USP45: variants seen among roughly 807,000 people sequenced by gnomAD.
USP45 encodes the protein ubiquitin specific peptidase 45.
A neutral mutation model predicts 95.8 loss-of-function variants in USP45; 89 were observed. The observed-to-expected ratio is 0.93, with a 90% confidence interval of 0.78 to 1.11. The LOEUF (loss-of-function observed/expected upper bound fraction) is 1.11, where lower values mean the gene tolerates loss of function less well. Ranked by LOEUF, USP45 falls within the 50% of genes least tolerant of loss-of-function variation. The pLI is 0.00. For synonymous variants in USP45, 281 were observed against 316.2 expected, an observed-to-expected ratio of 0.89 and a Z score of 1.18; for missense variants, 898 against 942.5, an observed-to-expected ratio of 0.95 and a Z score of 0.62.
chr6:99,517,823 G>T (rs1364383828), upstream of USP45, among the ~76,000 whole-genome samples: 1 of 151,408 alleles, frequency 6.6e-6, no homozygotes, highest in East Asian at 1.9e-4. Flanking sequence ...AGTAATACCT[G>T]CTGGTTTCTC....
At chr6:99,454,517 T>C (rs1362011925) in intron 13 of USP45, among the ~76,000 whole-genome samples, 1 of 152,142 alleles carries the variant, frequency 6.6e-6, no homozygotes, top group African/African-American at 2.4e-5. Flanking sequence ...TCCTGTTGAA[T>C]GGGAGAAAAT....
chr6:99,490,166 A>T (rs1321952035), intron 5 of USP45, among the ~76,000 whole-genome samples: 1 of 151,478 alleles, frequency 6.6e-6, no homozygotes, highest in Non-Finnish European at 1.5e-5. Context: ...CAGCCCTCAG[A>T]TTTTTTCTTT....
chr6:99,455,819 TAAAAAAA>T (rs35285232), intron 13 of USP45, among the ~76,000 whole-genome samples: 2 of 44,338 alleles, frequency 4.5e-5, no homozygotes, highest in African/African-American at 9.7e-5. Flanking sequence ...ATGTGAGAGC[TAAAAAAA>T]AAAAAAAAAA....
chr6:99,462,187 C>CA (rs1057422014), intron 13 of USP45: 1 of 976,340 alleles, frequency 1.0e-6, no homozygotes, highest in African/African-American at 1.8e-5. Flanking sequence ...AAAAAAGTAA[C>CA]AAAAAATATT....
At chr6:99,467,135 C>T (rs534871331) in intron 10 of USP45, among the ~76,000 whole-genome samples, 1 of 152,086 alleles carries the variant, frequency 6.6e-6, no homozygotes, top group South Asian at 2.1e-4. Flanking sequence ...GCCAGGATCA[C>T]GGCTATGAAA....
chr6:99,459,635 C>T lies in USP45; in HGVS notation c.1308+4969G>A, dbSNP rs1381187393. On this transcript the variant is annotated intron_variant, in intron 13 of 17. Transcript: ENST00000500704. ...TAAGCATTCCTTTTCTCTGCAGCCTCGCCAGCATTTATTTTTTGACTTTTT... is the reference window on the plus strand; with the variant it reads ...TAAGCATTCCTTTTCTCTGCAGCCTTGCCAGCATTTATTTTTTGACTTTTT... 4.6e-5 allele frequency among the ~76,000 whole-genome samples: 7 copies of T among 152,116 alleles called. No individual in the cohort carries two copies. The East Asian group carries it at 1.2e-3, about 25-fold the overall frequency.
chr6:99,514,034 CCCTTA>C (rs934820392), intron 1 of USP45, among the ~76,000 whole-genome samples: 4 of 152,280 alleles, frequency 2.6e-5, no homozygotes, highest in Non-Finnish European at 4.4e-5. Flanking sequence ...GCACTTATAT[CCCTTA>C]CCTTTATACA....
chr6:99,502,570 C>T (rs1797620404), intron 5 of USP45, among the ~76,000 whole-genome samples: 1 of 152,184 alleles, frequency 6.6e-6, no homozygotes, highest in Non-Finnish European at 1.5e-5. Flanking sequence ...CAGAACTACA[C>T]TGCAATTATG....
At chr6:99,501,702 G>A (rs1393362722) in intron 5 of USP45, 1 of 175,592 alleles carries the variant, frequency 5.7e-6, no homozygotes, top group Admixed American at 6.2e-5. Context: ...TACTATTTTT[G>A]GAGGAAGAAA....
Position 99,446,256 on chromosome 6 carries a change from C to A in USP45, c.1516G>T (p.Glu506Ter). ...GAAGCACTTTCAGATTCTGAAGGCT[C>A]ACTGTCAGCATCAACATTGCTTTCA... ...HSESNVDADSEPSESESASKQ... is the reference protein window; with the variant it reads ...HSESNVDADS The change falls in exon 14 of 18, where the codon GAG becomes TAG. Residue 506 changes from glutamate (E) to a stop codon, truncating the protein, a stop_gained. Transcript: ENST00000500704. LOFTEE classifies it high-confidence loss of function. 6.2e-7 allele frequency: 1 copy of A among 1,614,170 alleles called. No individual in the cohort carries two copies. The highest frequency in any genetic ancestry group is 8.5e-7 in the Non-Finnish European group (1 of 1,180,026).
chr6:99,494,111 G>C (rs1355236284), intron 5 of USP45, among the ~76,000 whole-genome samples: 3 of 152,108 alleles, frequency 2.0e-5, no homozygotes, highest in African/African-American at 7.2e-5. Flanking sequence ...GGTCTGCATA[G>C]TCAAAAAGGT....
intron 8 of USP45, among the ~76,000 whole-genome samples, chr6:99,479,814 T>C (rs552011913): frequency 1.4e-4 from 22 of 152,376 alleles, no homozygotes; most frequent in Non-Finnish European, 2.8e-4. Context: ...TAAGGCAAGA[T>C]GCCTATTTCA....
intron 5 of USP45, among the ~76,000 whole-genome samples, chr6:99,489,164 A>G (rs2128733272): frequency 6.6e-6 from 1 of 152,332 alleles, no homozygotes; most frequent in East Asian, 1.9e-4. Flanking sequence ...TCTAGGGGAA[A>G]AGGCTGATTC....
intron 7 of USP45, among the ~76,000 whole-genome samples, chr6:99,485,767 C>T (rs916863732): frequency 1.1e-4 from 17 of 152,080 alleles, no homozygotes; most frequent in African/African-American, 4.1e-4. Flanking sequence ...AAATTGAATC[C>T]AGCAGCATAT....
intron 4 of USP45, 75 bp from the exon 5 acceptor site, chr6:99,503,940 G>A (rs1234277443): frequency 1.9e-6 from 2 of 1,061,012 alleles, no homozygotes; most frequent in Admixed American, 5.2e-5. Context: ...AACAAAGTTG[G>A]TATTTAGTTA....
intron 1 of USP45, among the ~76,000 whole-genome samples, chr6:99,513,886 T>G (rs1800493704): frequency 6.6e-6 from 1 of 152,196 alleles, no homozygotes; most frequent in African/African-American, 2.4e-5. Context: ...CAAAATTGTG[T>G]CTGGGCACTG....
intron 10 of USP45, among the ~76,000 whole-genome samples, 185 bp from the exon 11 acceptor site, chr6:99,466,948 C>T (rs993451197): frequency 2.0e-5 from 3 of 152,106 alleles, no homozygotes; most frequent in South Asian, 2.1e-4. Flanking sequence ...AGCAGATTTA[C>T]GACTATCAAC....
chr6:99,439,003 G>A (rs1033241044), intron 16 of USP45, among the ~76,000 whole-genome samples: 3 of 152,174 alleles, frequency 2.0e-5, no homozygotes, highest in Admixed American at 1.3e-4. Context: ...GGAATACTGA[G>A]TATTAACAAT....
At position 99,444,216 on chromosome 6, in the gene USP45, T is replaced by C. The variant is rs372573188; in HGVS notation, c.1976-554A>G. Among the ~76,000 whole-genome samples the C allele has an allele frequency of 5.9e-5, 9 of 152,298 alleles. 1 individual carries two copies. The highest frequency in any genetic ancestry group is 1.9e-4 in the African/African-American group (8 of 41,578). On this transcript the variant is annotated intron_variant, in intron 14 of 17. Coordinates refer to ENST00000500704, the MANE Select transcript of USP45 (RefSeq NM_001346022.3). ...TTTTTGTAGACATGGGATCTCACTA[T>C]GTTCCTCAGACTGGTCTTGAACTCC... is the stretch of plus-strand genomic sequence containing the variant.
Sources: gnomAD v4.1 joint callset for allele counts (sites outside exome capture counted in the v4.1 genomes callset) on GRCh38, gnomAD v4.1.1 for gene constraint, MANE v1.5 for transcripts, NCBI Gene and HGNC (gene_info 2026-07-23, HGNC 2026-07-21) for gene names.